Variants in HHIP observed in about 807,000 individuals in gnomAD.
HHIP encodes hedgehog interacting protein.
HHIP carries 12 observed loss-of-function variants against 74.0 expected under a neutral mutation model. The ratio of observed to expected loss-of-function variants is 0.16; its 90% CI spans 0.10 to 0.26. The LOEUF is 0.26. Ranked by LOEUF, HHIP falls within the 10% of genes least tolerant of loss-of-function variation. The pLI, the probability that HHIP is intolerant of heterozygous loss-of-function variation, is 1.00. For synonymous variants in HHIP, 309 were observed against 311.6 expected (o/e 0.99, Z 0.09); for missense variants, 788 against 845.0 (o/e 0.93, Z 0.84).
intron 4 of HHIP, among the ~76,000 whole-genome samples, chr4:144,698,548 T>A (rs1482551390): frequency 6.6e-6 from 1 of 152,164 alleles, no homozygotes; most frequent in Non-Finnish European, 1.5e-5. Context: ...TATTCATGAC[T>A]GTACCTTCTT....
At chr4:144,674,620 T>C (rs1043579379) in intron 4 of HHIP, among the ~76,000 whole-genome samples, 3 of 152,164 alleles carry the variant, frequency 2.0e-5, no homozygotes, top group African/African-American at 7.2e-5. Flanking sequence ...AATAAATCAA[T>C]TAAAAAATAT....
intron 3 of HHIP, 136 bp from the exon 4 acceptor site, chr4:144,659,501 C>A (rs1728644340): frequency 7.7e-6 from 4 of 522,716 alleles, no homozygotes; most frequent in Non-Finnish European, 3.2e-6. Context: ...TATATTGTGA[C>A]CCTTGGGTTA....
chr4:144,715,820 A>G (rs148451885), intron 10 of HHIP, among the ~76,000 whole-genome samples: 2 of 152,332 alleles, frequency 1.3e-5, no homozygotes, highest in African/African-American at 4.8e-5. Context: ...ATAAATAAAA[A>G]AGTTTTGTTG....
rs745687585 is a variant in HHIP at position 144,646,645 on chromosome 4, C to T, written c.-31C>T. 1.9e-6 allele frequency: 3 copies of T among 1,599,064 alleles called. No individual in the cohort carries two copies. Among genetic ancestry groups the T allele is most frequent in the Admixed American group, 1.7e-5 (1 of 58,994 alleles). On this transcript the variant is annotated 5_prime_UTR_variant, in exon 1 of 13. Coordinates refer to ENST00000296575, the MANE Select transcript of HHIP (RefSeq NM_022475.3). ...GCAGTGGCGTTCCCCCCCATCCTCC[C>T]GCGCCCAGCCCCTGCTGCTCTGGGC...
Position 144,646,749 on chromosome 4 carries a change from T to C in HHIP, c.74T>C (p.Phe25Ser). 1 of 1,614,008 alleles carries C rather than the reference T, an allele frequency of 6.2e-7. No homozygotes were observed. The highest frequency in any genetic ancestry group is 8.5e-7 in the Non-Finnish European group (1 of 1,179,998). ...ALGFFEGDAK[F>S]GERNEGSGAR... ...GGCTTCTTTGAAGGAGATGCTAAGT[T>C]TGGGGAAAGAAACGAAGGGAGCGGA... Residue 25 changes from phenylalanine (F) to serine (S), a missense_variant, in exon 1 of 13, where the codon TTT (phenylalanine) becomes TCT (serine). Physicochemically the swap from Phe to Ser is radical, Grantham distance 155. Coordinates refer to ENST00000296575, the MANE Select transcript of HHIP (RefSeq NM_022475.3).
chr4:144,700,482 A>AATGGAATTAAGATTGCT (rs1729943888), intron 4 of HHIP, among the ~76,000 whole-genome samples: 1 of 152,194 alleles, frequency 6.6e-6, no homozygotes. Flanking sequence ...TTAAGGTTGC[A>AATGGAATTAAGATTGCT]ATGGAATTAA....
At chr4:144,728,293 G>A (rs750283645) in intron 11 of HHIP, among the ~76,000 whole-genome samples, 19 of 152,194 alleles carry the variant, frequency 1.2e-4, no homozygotes, top group Non-Finnish European at 2.2e-4. Context: ...CTGTGAGGAT[G>A]AGACTTTTAA....
rs560149549 is a variant in HHIP at position 144,647,103 on chromosome 4, C to A, written c.279+149C>A. The A allele has an allele frequency of 1.7e-5, 11 of 639,720 alleles. No individual in the cohort carries two copies. The African/African-American group carries it at 2.0e-4, about 12-fold the overall frequency. 39.6% of individuals were successfully genotyped at this position (639,720 alleles called of 1,614,324 possible). A position where few individuals can be genotyped will look rare whatever the true frequency, so the allele number is the denominator to read the frequency against. On this transcript the variant is annotated intron_variant, in intron 1 of 12. Coordinates refer to ENST00000296575, the MANE Select transcript of HHIP (RefSeq NM_022475.3). ...ACTTTTCTATAGCGCTAACGTGATT[C>A]CGTTGTGTGTTCCTCTGGGGTAAGC...
At chr4:144,684,515 G>A (rs964705936) in intron 4 of HHIP, among the ~76,000 whole-genome samples, 1 of 151,472 alleles carries the variant, frequency 6.6e-6, no homozygotes, top group African/African-American at 2.4e-5. Flanking sequence ...TCCCGACCTC[G>A]TGATCCGCCC....
chr4:144,723,644 C>T (rs1730700231), intron 11 of HHIP, among the ~76,000 whole-genome samples: 1 of 152,126 alleles, frequency 6.6e-6, no homozygotes, highest in Non-Finnish European at 1.5e-5. Flanking sequence ...GCCTGTTGAC[C>T]CAGCTGCCAA....
intron 11 of HHIP, among the ~76,000 whole-genome samples, chr4:144,728,407 A>T (rs1730856801): frequency 6.6e-6 from 1 of 152,204 alleles, no homozygotes; most frequent in African/African-American, 2.4e-5. Flanking sequence ...AAATTTCTAG[A>T]CACTATGTAA....
chr4:144,681,549 C>T (rs868321590), intron 4 of HHIP, among the ~76,000 whole-genome samples: 31 of 151,912 alleles, frequency 2.0e-4, no homozygotes, highest in Admixed American at 2.6e-4. Context: ...CTCAGCCTCC[C>T]GAGTAACTGG....
intron 12 of HHIP, among the ~76,000 whole-genome samples, chr4:144,737,177 A>C (rs1252709961): frequency 6.6e-6 from 1 of 152,212 alleles, no homozygotes; most frequent in Non-Finnish European, 1.5e-5. Context: ...GGCCAACTGC[A>C]CTGACTCCAG....
At chr4:144,700,220 G>T (rs1021468571) in intron 4 of HHIP, among the ~76,000 whole-genome samples, 3 of 152,164 alleles carry the variant, frequency 2.0e-5, no homozygotes, top group African/African-American at 7.2e-5. Context: ...ACAGCTATGA[G>T]AAAGAGCTTG....
chr4:144,705,506 A>C (rs552953674), intron 4 of HHIP, among the ~76,000 whole-genome samples: 2 of 152,304 alleles, frequency 1.3e-5, no homozygotes, highest in African/African-American at 4.8e-5. Context: ...TTTCTATGCC[A>C]TGTTTTTCTC....
intron 4 of HHIP, among the ~76,000 whole-genome samples, chr4:144,687,270 TAG>T (rs1238562487): frequency 1.3e-5 from 2 of 152,190 alleles, no homozygotes; most frequent in East Asian, 1.9e-4. Flanking sequence ...TTCACATAAA[TAG>T]AGAGTTTTGG....
intron 4 of HHIP, among the ~76,000 whole-genome samples, chr4:144,681,072 A>G (rs1729324017): frequency 6.6e-6 from 1 of 152,224 alleles, no homozygotes; most frequent in African/African-American, 2.4e-5. Context: ...GAAAAATGTG[A>G]AAACAGCTTA....
Position 144,711,943 on chromosome 4 carries a change from TA to T in HHIP, c.1302-6del. 1 of 1,611,386 alleles carries T rather than the reference TA, an allele frequency of 6.2e-7. No individual in the cohort carries two copies. On this transcript the variant is annotated splice_polypyrimidine_tract_variant and splice_region_variant and intron_variant, in intron 7 of 12. Transcript: ENST00000296575. ...GGAATTAATGTGTATCCCCTCTTGT[TA>T]TGCAGATGTGCTGTGGATAGACATC... is the stretch of plus-strand genomic sequence containing the variant.
At chr4:144,673,997 T>C (rs1475520181) in intron 4 of HHIP, among the ~76,000 whole-genome samples, 1 of 152,230 alleles carries the variant, frequency 6.6e-6, no homozygotes, top group African/African-American at 2.4e-5. Context: ...AAGAGGTTAA[T>C]GCTTGATCAT....
Sources: gnomAD v4.1 joint callset for allele counts (sites outside exome capture counted in the v4.1 genomes callset) on GRCh38, gnomAD v4.1.1 for gene constraint, MANE v1.5 for transcripts, NCBI Gene and HGNC (gene_info 2026-07-23, HGNC 2026-07-21) for gene names.